Variants in MBNL2 observed in about 807,000 individuals in gnomAD.
MBNL2 encodes the protein muscleblind-like protein 2.
Under a neutral mutation model 41.9 loss-of-function variants are expected in MBNL2, and 17 were observed. The ratio of observed to expected loss-of-function variants is 0.41; its 90% CI spans 0.28 to 0.61. The LOEUF (loss-of-function observed/expected upper bound fraction) is 0.61. Ranked by LOEUF, MBNL2 falls within the 20% of genes least tolerant of loss-of-function variation. The pLI, the probability that MBNL2 is intolerant of heterozygous loss-of-function variation, is 0.35. For synonymous variants in MBNL2, 195 were observed against 182.9 expected, an observed-to-expected ratio of 1.07 and a Z score of -0.53; for missense variants, 336 against 505.6, an observed-to-expected ratio of 0.66 and a Z score of 3.22.
chr13:97,296,112 T>C (rs1349718113), intron 2 of MBNL2, among the ~76,000 whole-genome samples: 1 of 152,182 alleles, frequency 6.6e-6, no homozygotes, highest in Non-Finnish European at 1.5e-5. Context: ...CTCTGTCAGA[T>C]TCTATCCACG....
At chr13:97,316,131 C>G (rs1036660002) in intron 2 of MBNL2, among the ~76,000 whole-genome samples, 3 of 152,228 alleles carry the variant, frequency 2.0e-5, no homozygotes, top group Non-Finnish European at 4.4e-5. Flanking sequence ...TTGAGCCGTG[C>G]TTTCTGCACC....
the MBNL2 span, among the ~76,000 whole-genome samples, chr13:97,146,650 T>C: frequency 6.6e-6 from 1 of 152,166 alleles, no homozygotes; most frequent in Non-Finnish European, 1.5e-5. Context: ...TTTCCCCTGT[T>C]CAGAATCCAA....
At chr13:97,316,807 G>A (rs1008837325) in intron 2 of MBNL2, among the ~76,000 whole-genome samples, 3 of 152,164 alleles carry the variant, frequency 2.0e-5, no homozygotes, top group Non-Finnish European at 2.9e-5. Flanking sequence ...CCCTCAGCAC[G>A]TTCTGCTGTG....
At chr13:97,291,917 A>AAAAAAAAAAAAAAATGGGCTGG (rs398070410) in intron 2 of MBNL2, among the ~76,000 whole-genome samples, 1 of 125,312 alleles carries the variant, frequency 8.0e-6, no homozygotes, top group Non-Finnish European at 1.7e-5. Flanking sequence ...AAAAAAAAAA[A>AAAAAAAAAAAAAAATGGGCTGG]GTGGGCTGGG....
At chr13:97,180,495 G>A in the MBNL2 span, among the ~76,000 whole-genome samples, 1 of 151,994 alleles carries the variant, frequency 6.6e-6, no homozygotes, top group South Asian at 2.1e-4. Flanking sequence ...CCAGCACTTT[G>A]GGAAGCTGAG....
At chr13:97,233,139 A>C (rs1333561476) in intron 1 of MBNL2, among the ~76,000 whole-genome samples, 1 of 72,756 alleles carries the variant, frequency 1.4e-5, no homozygotes, top group East Asian at 9.0e-4. Context: ...ATATATATAT[A>C]TATATATATA....
At chr13:97,364,380 T>G (rs1460684262) in intron 7 of MBNL2, among the ~76,000 whole-genome samples, 1 of 152,162 alleles carries the variant, frequency 6.6e-6, no homozygotes, top group Non-Finnish European at 1.5e-5. Flanking sequence ...TGCTCTACAG[T>G]GTTTAAGCTT....
At chr13:97,377,131 T>C (rs2065036745) in intron 8 of MBNL2, among the ~76,000 whole-genome samples, 2 of 152,170 alleles carry the variant, frequency 1.3e-5, no homozygotes, top group East Asian at 3.9e-4. Context: ...AATTATGTCA[T>C]TGAAACCCAA....
chr13:97,187,521 C>T, the MBNL2 span, among the ~76,000 whole-genome samples: 1 of 141,376 alleles, frequency 7.1e-6, no homozygotes, highest in Admixed American at 7.6e-5. Flanking sequence ...ATGCATAGTA[C>T]TGCCTAATGT....
At chr13:97,386,005 T>TG (rs2065894779) in intron 8 of MBNL2, among the ~76,000 whole-genome samples, 2 of 152,238 alleles carry the variant, frequency 1.3e-5, no homozygotes, top group Non-Finnish European at 2.9e-5. Context: ...CATCATCACA[T>TG]GGCAGAGACA....
intron 1 of MBNL2, among the ~76,000 whole-genome samples, chr13:97,228,479 CATAT>C (rs899217244): frequency 1.9e-4 from 28 of 150,680 alleles, no homozygotes; most frequent in African/African-American, 6.6e-4. Context: ...GTGATAGTAA[CATAT>C]ATATATCTTA....
rs772524651 is a variant in MBNL2, at chr13:97,334,655, T to C, written c.339+215T>C. Among the ~76,000 whole-genome samples the C allele has an allele frequency of 1.3e-5, 2 of 152,210 alleles. No individual in the cohort carries two copies. Among genetic ancestry groups the C allele is most frequent in the African/African-American group, 2.4e-5 (1 of 41,454 alleles). Reference sequence around the variant, plus strand: ...GGAGGCAAAGACAATTTCTAATCAATATCTGGGAAATCTGTATCACTCCAA... The same window carrying C: ...GGAGGCAAAGACAATTTCTAATCAACATCTGGGAAATCTGTATCACTCCAA... On this transcript the variant is annotated intron_variant, in intron 3 of 8. Transcript: ENST00000679496. This position sits in a 1 kb window ranked among gnomAD's most constrained non-coding sequence, Gnocchi z 5.3.
At chr13:97,202,783 C>A in the MBNL2 span, among the ~76,000 whole-genome samples, 1 of 152,168 alleles carries the variant, frequency 6.6e-6, no homozygotes. Flanking sequence ...TAAAGATGAA[C>A]CGTTACCCAA....
chr13:97,294,750 G>C (rs115554286), intron 2 of MBNL2, among the ~76,000 whole-genome samples: 1 of 152,056 alleles, frequency 6.6e-6, no homozygotes, highest in Non-Finnish European at 1.5e-5. Flanking sequence ...ATCCCTGAAG[G>C]TCTTACTTAA....
intron 2 of MBNL2, among the ~76,000 whole-genome samples, chr13:97,318,968 A>G (rs933610432): frequency 1.3e-5 from 2 of 152,160 alleles, no homozygotes; most frequent in East Asian, 3.9e-4. Context: ...GAGAAAAATT[A>G]GCAGGTATCT....
At chr13:97,367,980 G>A (rs1450818093) in intron 8 of MBNL2, among the ~76,000 whole-genome samples, 1 of 152,166 alleles carries the variant, frequency 6.6e-6, no homozygotes, top group Non-Finnish European at 1.5e-5. Flanking sequence ...CCATTATTAG[G>A]TCCAAAGCTC....
chr13:97,175,330 G>A, the MBNL2 span, among the ~76,000 whole-genome samples: 1 of 152,152 alleles, frequency 6.6e-6, no homozygotes, highest in East Asian at 1.9e-4. Flanking sequence ...GTCTCCCCCA[G>A]CAAATCTCTT....
chr13:97,179,823 A>G, the MBNL2 span, among the ~76,000 whole-genome samples: 2 of 152,330 alleles, frequency 1.3e-5, no homozygotes, highest in African/African-American at 4.8e-5. Context: ...GAAGAAGTCC[A>G]GGGTGGCCAC....
chr13:97,216,528 C>T (rs1382500443), upstream of MBNL2, among the ~76,000 whole-genome samples: 2 of 152,092 alleles, frequency 1.3e-5, no homozygotes, highest in Non-Finnish European at 2.9e-5. Flanking sequence ...AGCAACTTAC[C>T]TTTCTGTCTC....
Sources: allele counts gnomAD v4.1 joint callset (sites outside exome capture counted in the v4.1 genomes callset), GRCh38; gene constraint gnomAD v4.1.1; non-coding constraint Gnocchi (gnomAD v3.1); transcripts MANE v1.5; gene names NCBI Gene and HGNC (gene_info 2026-07-23, HGNC 2026-07-21).